Variants in ADAMTS20 observed in about 807,000 individuals in gnomAD.
ADAMTS20 encodes A disintegrin and metalloproteinase with thrombospondin motifs 20.
Under a neutral mutation model 260.1 loss-of-function variants are expected in ADAMTS20, and 225 were observed. The observed-to-expected ratio is 0.87, with a 90% confidence interval of 0.78 to 0.97. The LOEUF (loss-of-function observed/expected upper bound fraction) is 0.97. Among genes scored for constraint, ADAMTS20 ranks in the 50% least tolerant of loss-of-function variants. The pLI is 0.00. For missense variants in ADAMTS20, 2,400 were observed against 2,337.7 expected (o/e 1.03, Z -0.55); for synonymous variants, 802 against 769.5 (o/e 1.04, Z -0.70).
chr12:43,535,609 G>A (rs1232333875), intron 2 of ADAMTS20, among the ~76,000 whole-genome samples: 2 of 152,184 alleles, frequency 1.3e-5, no homozygotes, highest in East Asian at 3.9e-4. Flanking sequence ...TATTGTTTAT[G>A]CTTATCAACA....
At chr12:43,413,944 T>C (rs1941080444) in intron 28 of ADAMTS20, among the ~76,000 whole-genome samples, 1 of 152,188 alleles carries the variant, frequency 6.6e-6, no homozygotes, top group Admixed American at 6.5e-5. Flanking sequence ...GTATATTCTT[T>C]CGTTTTAACA....
At chr12:43,361,194 A>G (rs1939859714) in intron 37 of ADAMTS20, among the ~76,000 whole-genome samples, 1 of 152,226 alleles carries the variant, frequency 6.6e-6, no homozygotes, top group African/African-American at 2.4e-5. Context: ...GCAAACACAG[A>G]GGATTTGGGT....
chr12:43,520,246 C>G (rs1396203212), intron 3 of ADAMTS20, among the ~76,000 whole-genome samples: 1 of 151,980 alleles, frequency 6.6e-6, no homozygotes, highest in Admixed American at 6.6e-5. Flanking sequence ...GTTTATAGAC[C>G]TGAGTTTTAA....
chr12:43,497,530 C>T (rs569786040), intron 4 of ADAMTS20, among the ~76,000 whole-genome samples: 6 of 152,136 alleles, frequency 3.9e-5, no homozygotes, highest in African/African-American at 1.2e-4. Flanking sequence ...TGATGAAATT[C>T]TACATACATA....
intron 14 of ADAMTS20, among the ~76,000 whole-genome samples, chr12:43,448,436 A>G (rs1941802173): frequency 1.3e-5 from 2 of 152,218 alleles, no homozygotes; most frequent in African/African-American, 2.4e-5. Flanking sequence ...ATGGCTAACC[A>G]TATGCAGAAG....
At position 43,432,347 on chromosome 12, in the gene ADAMTS20, T is replaced by C. The variant is rs972175119; in HGVS notation, c.3053A>G (p.Asn1018Ser). 6.2e-7 allele frequency: 1 copy of C among 1,613,956 alleles called. No individual in the cohort carries two copies. Among genetic ancestry groups the C allele is most frequent in the East Asian group, 2.2e-5 (1 of 44,880 alleles). Residue 1018 changes from asparagine to serine, a missense_variant, in exon 21 of 39, where the codon AAT becomes AGT. Asn to Ser is a conservative substitution (Grantham distance 46). Coordinates refer to ENST00000389420, the MANE Select transcript of ADAMTS20 (RefSeq NM_025003.5). ...ELSRVTRENC[N>S]EFSCPSWAAS... The stretch of plus-strand genomic sequence containing the variant: ...AGCCCAACTGGGACAGGAAAATTCA[T>C]TGCAATTCTCTCTCGTCACTCGGGA...
At chr12:43,383,264 G>A (rs148167527) in intron 31 of ADAMTS20, among the ~76,000 whole-genome samples, 1 of 152,230 alleles carries the variant, frequency 6.6e-6, no homozygotes, top group African/African-American at 2.4e-5. Context: ...CCTCGATAAA[G>A]CCATTTCTAA....
intron 37 of ADAMTS20, among the ~76,000 whole-genome samples, chr12:43,357,423 A>ATAT (rs1471656288): frequency 1.3e-5 from 2 of 152,182 alleles, no homozygotes; most frequent in Admixed American, 1.3e-4. Context: ...ATGAATGAAA[A>ATAT]TATTATCTTG....
intron 37 of ADAMTS20, among the ~76,000 whole-genome samples, chr12:43,357,723 T>C (rs866541783): frequency 3.3e-5 from 5 of 152,208 alleles, no homozygotes; most frequent in African/African-American, 4.8e-5. Context: ...GTCAGTTTCA[T>C]TGCTATATTC....
chr12:43,475,845 A>C (rs1410957858), intron 7 of ADAMTS20, among the ~76,000 whole-genome samples: 2 of 136,570 alleles, frequency 1.5e-5, no homozygotes, highest in East Asian at 4.8e-4. Context: ...AAATCAATTT[A>C]AGATGGATTA....
rs556308740 is a variant in ADAMTS20, at chr12:43,413,240, T to C, written c.4284+12274A>G. ...TTCACACATTTTAATTATCACACTA[T>C]ATTTAATGACATCCCAAACAGAATG... On this transcript the variant is annotated intron_variant, in intron 28 of 38. Coordinates refer to ENST00000389420, the MANE Select transcript of ADAMTS20 (RefSeq NM_025003.5). 3.9e-5 allele frequency among the ~76,000 whole-genome samples: 6 copies of C among 152,332 alleles called. No homozygotes were observed. In the South Asian group the frequency reaches 1.2e-3, roughly 32 times the overall value.
At chr12:43,512,052 C>T (rs1192839104) in intron 3 of ADAMTS20, among the ~76,000 whole-genome samples, 1 of 151,732 alleles carries the variant, frequency 6.6e-6, no homozygotes, top group Non-Finnish European at 1.5e-5. Flanking sequence ...TTATCAATAA[C>T]AATAAAGATA....
intron 7 of ADAMTS20, among the ~76,000 whole-genome samples, chr12:43,482,012 A>G (rs1255279295): frequency 6.6e-6 from 1 of 152,132 alleles, no homozygotes; most frequent in Non-Finnish European, 1.5e-5. Context: ...AATCCAGGCC[A>G]TGGGGAGAAG....
intron 7 of ADAMTS20, among the ~76,000 whole-genome samples, chr12:43,470,009 G>T (rs10748359): frequency 0.7 from 106,800 of 152,008 alleles, 37,862 homozygotes; most frequent in East Asian, 1. Flanking sequence ...TTCCTTACAA[G>T]GAAGACTAAA....
At position 43,431,387 on chromosome 12, in the gene ADAMTS20, A is replaced by G. The variant is rs1322660776; in HGVS notation, c.3206T>C (p.Leu1069Pro). Reference sequence around the variant, plus strand: ...ACATGTATGAAGTTCACATGGACTCAGAGATTCAGGTTTGGTACTTGAATT... The same window carrying G: ...ACATGTATGAAGTTCACATGGACTCGGAGATTCAGGTTTGGTACTTGAATT... ...FCNSSTKPES[L>P]SPCELHTCAS... Residue 1069 changes from leucine (L) to proline (P), a missense_variant, in exon 22 of 39, where the codon CTG (leucine) becomes CCG (proline). Transcript: ENST00000389420. 7 of 1,613,858 alleles carry G rather than the reference A, an allele frequency of 4.3e-6. No homozygotes were observed. Among genetic ancestry groups the G allele is most frequent in the Non-Finnish European group, 5.9e-6 (7 of 1,179,874 alleles).
chr12:43,508,111 A>C (rs1230838260), intron 3 of ADAMTS20, among the ~76,000 whole-genome samples: 1 of 152,186 alleles, frequency 6.6e-6, no homozygotes, highest in Non-Finnish European at 1.5e-5. Flanking sequence ...CCTACATAAC[A>C]AACTGGCACA....
chr12:43,424,981 A>G (rs530492864), intron 28 of ADAMTS20, among the ~76,000 whole-genome samples: 1 of 152,290 alleles, frequency 6.6e-6, no homozygotes, highest in African/African-American at 2.4e-5. Context: ...ACAATTTATA[A>G]AGAGAATAAA....
chr12:43,534,625 C>T (rs113615545), intron 2 of ADAMTS20, among the ~76,000 whole-genome samples: 134 of 152,180 alleles, frequency 8.8e-4, no homozygotes, highest in Non-Finnish European at 1.7e-3. Flanking sequence ...TATGTGATGG[C>T]ATCCCTTGAG....
intron 2 of ADAMTS20, among the ~76,000 whole-genome samples, chr12:43,544,032 AT>A (rs755616132): frequency 7.2e-5 from 11 of 152,178 alleles, no homozygotes; most frequent in Non-Finnish European, 1.5e-4. Context: ...ACTGATAAAT[AT>A]TTGCTGAAAA....
Sources: gnomAD v4.1 joint callset for allele counts (sites outside exome capture counted in the v4.1 genomes callset) on GRCh38, gnomAD v4.1.1 for gene constraint, MANE v1.5 for transcripts, NCBI Gene and HGNC (gene_info 2026-07-23, HGNC 2026-07-21) for gene names.